Variants in SLC39A11 observed in about 807,000 individuals in gnomAD.
SLC39A11 encodes the protein zinc transporter ZIP11.
SLC39A11 carries 33 observed loss-of-function variants against 36.1 expected under a neutral mutation model. The ratio of observed to expected loss-of-function variants is 0.91; its 90% CI spans 0.69 to 1.22. SLC39A11 has a LOEUF of 1.22. SLC39A11 is among the 50% of genes most tolerant of loss of function. The probability of loss-of-function intolerance (pLI) is 0.00; values close to 1 mark genes in which losing one functional copy is unlikely to be tolerated. For missense variants in SLC39A11, 432 were observed against 430.3 expected, an observed-to-expected ratio of 1.00 and a Z score of -0.03; for synonymous variants, 166 against 170.3, an observed-to-expected ratio of 0.97 and a Z score of 0.20.
At chr17:72,787,253 C>CT (rs56100121) in intron 6 of SLC39A11, among the ~76,000 whole-genome samples, 8,060 of 80,392 alleles carry the variant, frequency 0.1, 1,520 homozygotes, top group African/African-American at 0.28. Flanking sequence ...TAACCCATGG[C>CT]TTTTTTTTTT....
At chr17:72,686,031 T>TAA (rs563539019) in intron 7 of SLC39A11, among the ~76,000 whole-genome samples, 6 of 145,188 alleles carry the variant, frequency 4.1e-5, no homozygotes, top group African/African-American at 1.5e-4. Flanking sequence ...GACTCTGTCT[T>TAA]AAAAAAAAAA....
rs76125508 is a variant in SLC39A11 at position 72,902,288 on chromosome 17, G to GA, written c.430+45463dup. On this transcript the variant is annotated intron_variant, in intron 5 of 9. Transcript: ENST00000255559. Reference sequence around the variant, plus strand: ...CTCTGTCTCCAAAAAAAATAAAAAGGAAAAAAAAAAAAGGAAGAGGAGAGG... The same window carrying GA: ...CTCTGTCTCCAAAAAAAATAAAAAGGAAAAAAAAAAAAAGGAAGAGGAGAGG... 2.2e-3 allele frequency among the ~76,000 whole-genome samples: 317 copies of GA among 141,268 alleles called. 2 individuals are homozygous for GA. Among genetic ancestry groups the GA allele is most frequent in the African/African-American group, 5.7e-3 (221 of 38,574 alleles). The allele number at this position is 141,268 out of a possible 152,430, so 92.7% of individuals were successfully genotyped here.
At chr17:72,778,904 T>C (rs1242707742) in intron 6 of SLC39A11, among the ~76,000 whole-genome samples, 3 of 152,198 alleles carry the variant, frequency 2.0e-5, no homozygotes, top group African/African-American at 7.2e-5. Context: ...GTTAAGGAGT[T>C]CTTTTATGGA....
chr17:72,845,384 A>C (rs146616814), intron 6 of SLC39A11, among the ~76,000 whole-genome samples: 13 of 152,166 alleles, frequency 8.5e-5, no homozygotes, highest in Non-Finnish European at 4.4e-5. Flanking sequence ...GGGGCCAGAC[A>C]TGCTCCTGCC....
chr17:72,836,118 C>T lies in SLC39A11; in HGVS notation c.601+13516G>A, dbSNP rs117683023. On this transcript the variant is annotated intron_variant, in intron 6 of 9. Transcript: ENST00000255559. ...CCAAGTCTCCTTGCTGAACTGAGCC[C>T]GATGCATCTGGAGTGAGAACTACGC... Among the ~76,000 whole-genome samples the T allele has an allele frequency of 3.3e-3, 505 of 152,262 alleles. 1 individual carries two copies. The highest frequency in any genetic ancestry group is 4.3e-3 in the Non-Finnish European group (292 of 68,032).
intron 7 of SLC39A11, among the ~76,000 whole-genome samples, chr17:72,681,001 G>A (rs556615444): frequency 1.3e-5 from 2 of 152,242 alleles, no homozygotes; most frequent in African/African-American, 4.8e-5. Flanking sequence ...GATTGCAGTA[G>A]CACAATCTTG....
At chr17:72,964,553 A>T (rs1463968499) in intron 4 of SLC39A11, among the ~76,000 whole-genome samples, 2 of 152,242 alleles carry the variant, frequency 1.3e-5, no homozygotes, top group Non-Finnish European at 2.9e-5. Flanking sequence ...AATTGAAGTA[A>T]AAGACTGTAA....
intron 5 of SLC39A11, among the ~76,000 whole-genome samples, chr17:72,905,972 C>T (rs780258823): frequency 3.9e-5 from 6 of 152,180 alleles, no homozygotes; most frequent in Non-Finnish European, 7.3e-5. Context: ...CCAGGATGGT[C>T]TCAGTCTCCT....
chr17:72,973,555 T>A (rs1022094025), intron 4 of SLC39A11, among the ~76,000 whole-genome samples: 3 of 152,118 alleles, frequency 2.0e-5, no homozygotes, highest in Non-Finnish European at 4.4e-5. Context: ...GACAAAAGGA[T>A]AAGTGGATTT....
chr17:72,865,516 A>G (rs1429569465), intron 5 of SLC39A11, among the ~76,000 whole-genome samples: 2 of 152,040 alleles, frequency 1.3e-5, no homozygotes, highest in Non-Finnish European at 2.9e-5. Context: ...ACATCAACAT[A>G]AAAGCTGGTT....
intron 6 of SLC39A11, among the ~76,000 whole-genome samples, chr17:72,835,557 C>G (rs1472078576): frequency 6.6e-6 from 1 of 152,156 alleles, no homozygotes; most frequent in Non-Finnish European, 1.5e-5. Flanking sequence ...ACCTCCTGGG[C>G]TCAAGTGATT....
rs145272357 is a variant in SLC39A11, at chr17:72,655,371, T to A, written c.672-6103A>T. ...TCAATCACCTGCATCAGCTCCAGAG[T>A]GGGATTTGAATCCACGGCTCTCAGA... On this transcript the variant is annotated intron_variant, in intron 7 of 9. Transcript: ENST00000255559. 3.1e-3 allele frequency among the ~76,000 whole-genome samples: 470 copies of A among 152,282 alleles called. 4 individuals are homozygous for A. Among genetic ancestry groups the A allele is most frequent in the African/African-American group, 0.011 (445 of 41,570 alleles).
At chr17:72,760,867 C>T (rs1302043493) in intron 6 of SLC39A11, among the ~76,000 whole-genome samples, 1 of 152,148 alleles carries the variant, frequency 6.6e-6, no homozygotes, top group African/African-American at 2.4e-5. Flanking sequence ...CTGGGCAACG[C>T]CTGGAGGGAA....
At chr17:73,026,746 C>A (rs2058570202) in intron 4 of SLC39A11, among the ~76,000 whole-genome samples, 1 of 151,804 alleles carries the variant, frequency 6.6e-6, no homozygotes, top group African/African-American at 2.4e-5. Context: ...AAAGAATTGA[C>A]CTTGGGGACA....
intron 7 of SLC39A11, among the ~76,000 whole-genome samples, chr17:72,714,346 GCT>G (rs1396038001): frequency 3.3e-5 from 5 of 151,638 alleles, no homozygotes; most frequent in African/African-American, 1.2e-4. Context: ...ACAGAGTAAG[GCT>G]CTTTCTCTCT....
chr17:72,811,915 C>T (rs544806765), intron 6 of SLC39A11, among the ~76,000 whole-genome samples: 1 of 152,156 alleles, frequency 6.6e-6, no homozygotes, highest in Non-Finnish European at 1.5e-5. Flanking sequence ...GAGAATGTAA[C>T]TTTGCCATAA....
intron 6 of SLC39A11, among the ~76,000 whole-genome samples, chr17:72,822,819 A>G (rs1357195812): frequency 6.6e-6 from 1 of 150,840 alleles, no homozygotes; most frequent in Non-Finnish European, 1.5e-5. Context: ...GGCTCAAGCA[A>G]TCCTCTCATC....
intron 6 of SLC39A11, among the ~76,000 whole-genome samples, chr17:72,812,139 G>C (rs2077452292): frequency 6.6e-6 from 1 of 152,116 alleles, no homozygotes; most frequent in Non-Finnish European, 1.5e-5. Flanking sequence ...TCTCTGGCCA[G>C]AAAAATAAGA....
intron 6 of SLC39A11, among the ~76,000 whole-genome samples, chr17:72,789,055 A>T (rs1392055284): frequency 6.9e-6 from 1 of 145,344 alleles, no homozygotes; most frequent in African/African-American, 2.6e-5. Context: ...TTTTTTTTTG[A>T]GATGGAGTCT....
Sources: gnomAD v4.1 joint callset for allele counts (sites outside exome capture counted in the v4.1 genomes callset) on GRCh38, gnomAD v4.1.1 for gene constraint, MANE v1.5 for transcripts, NCBI Gene and HGNC (gene_info 2026-07-23, HGNC 2026-07-21) for gene names.